Variants in MMP20 observed in about 807,000 individuals in gnomAD.
The protein encoded by MMP20 is matrix metallopeptidase 20, also known as matrix metalloproteinase-20.
In MMP20, 50 loss-of-function variants were observed where a neutral mutation model predicts 51.8. The ratio of observed to expected loss-of-function variants is 0.97; its 90% CI spans 0.77 to 1.22. The LOEUF is 1.22. MMP20 is among the 50% of genes most tolerant of loss of function. MMP20 has a pLI of 0.00. For missense variants in MMP20, 663 were observed against 601.4 expected (o/e 1.10, Z -1.07); for synonymous variants, 244 against 216.2 (o/e 1.13, Z -1.13).
intron 1 of MMP20, among the ~76,000 whole-genome samples, chr11:102,619,032 C>A (rs187332715): frequency 1.3e-5 from 2 of 152,246 alleles, no homozygotes; most frequent in African/African-American, 4.8e-5. Flanking sequence ...ATGGGGTGCC[C>A]AGGCTCTGAA....
intron 1 of MMP20, among the ~76,000 whole-genome samples, chr11:102,618,988 T>A (rs957321492): frequency 2.6e-5 from 4 of 152,100 alleles, no homozygotes; most frequent in African/African-American, 7.2e-5. Flanking sequence ...TTAGGTGAGA[T>A]GAGAAGCCAA....
At chr11:102,584,849 C>G (rs1309663026) in intron 8 of MMP20, among the ~76,000 whole-genome samples, 1 of 152,062 alleles carries the variant, frequency 6.6e-6, no homozygotes, top group Non-Finnish European at 1.5e-5. Flanking sequence ...TGTGGCTATC[C>G]ACTCCTTCCA....
At chr11:102,583,535 A>G (rs1319551398) in intron 8 of MMP20, 1 of 152,216 alleles carries the variant, frequency 6.6e-6, no homozygotes, top group African/African-American at 2.4e-5. Context: ...TATAGGAGCA[A>G]CAGGGTATAC....
At chr11:102,608,468 G>A (rs1390552415) in intron 5 of MMP20, among the ~76,000 whole-genome samples, 1 of 152,172 alleles carries the variant, frequency 6.6e-6, no homozygotes, top group Admixed American at 6.5e-5. Flanking sequence ...CACCCCACAG[G>A]TTGGTTGTGA....
intron 4 of MMP20, among the ~76,000 whole-genome samples, chr11:102,609,326 C>T (rs1429686238): frequency 6.6e-6 from 1 of 152,136 alleles, no homozygotes. Context: ...AAATGCACAT[C>T]AATCCATTTT....
In MMP20 at chr11:102,608,969, T is replaced by C. The variant is rs1217096939; in HGVS notation, c.779A>G (p.Lys260Arg). The change falls in exon 5 of 10, where the codon AAA (lysine) becomes AGA (arginine). Residue 260 changes from lysine to arginine, a missense_variant. Physicochemically the swap from Lys to Arg is conservative, Grantham distance 26. Transcript: ENST00000260228. ...YKNPYGFHLP[K>R]DDVKGIQALY... ...TGCCTGGATCCCTTTCACATCATCT[T>C]TGGGGAGGTGGAATCCATAGGGATT... The C allele has an allele frequency of 1.9e-6, 3 of 1,614,106 alleles. No individual in the cohort carries two copies. In the South Asian group the frequency reaches 3.3e-5, roughly 18 times the overall value.
chr11:102,608,460 C>A (rs924880685), intron 5 of MMP20, among the ~76,000 whole-genome samples: 10 of 152,234 alleles, frequency 6.6e-5, no homozygotes, highest in Non-Finnish European at 1.3e-4. Context: ...ACACTTCACA[C>A]CCCACAGGTT....
In MMP20 at chr11:102,593,531, A is replaced by G. The variant is rs1443565019; in HGVS notation, c.1155T>C (p.Phe385=). 1.2e-6 allele frequency: 2 copies of G among 1,614,138 alleles called. No individual in the cohort carries two copies. The highest frequency in any genetic ancestry group is 1.7e-6 in the Non-Finnish European group (2 of 1,180,000). ...TTTGCTGCACGTGCCTTGGAAATCC[A>G]AAGTCATAAATAGTCCGAGGAGGAC... is the stretch of plus-strand genomic sequence containing the variant. ...MQGPPRTIYD[F]GFPRHVQQID... is the part of the protein sequence containing the mutation. Residue 385 remains phenylalanine, a synonymous_variant, in exon 8 of 10, where the codon TTT becomes TTC. Transcript: ENST00000260228.
intron 6 of MMP20, among the ~76,000 whole-genome samples, chr11:102,595,223 A>C (rs960103336): frequency 1.3e-5 from 2 of 152,126 alleles, no homozygotes; most frequent in Non-Finnish European, 2.9e-5. Flanking sequence ...GACCATGTCC[A>C]TTCCACCCTT....
At chr11:102,612,823 G>T (rs1859620416) in intron 2 of MMP20, among the ~76,000 whole-genome samples, 1 of 144,620 alleles carries the variant, frequency 6.9e-6, no homozygotes. Flanking sequence ...TGCAACCACT[G>T]CCTCCCAGGT....
chr11:102,606,814 G>T (rs1819503158), intron 5 of MMP20, 138 bp from the exon 6 acceptor site: 1 of 1,014,080 alleles, frequency 9.9e-7, no homozygotes, highest in Non-Finnish European at 1.5e-6. Context: ...GGCAGGTATG[G>T]GTTTGAGTCC....
intron 1 of MMP20, among the ~76,000 whole-genome samples, chr11:102,621,486 T>A (rs940508979): frequency 5.3e-5 from 8 of 152,244 alleles, no homozygotes; most frequent in African/African-American, 1.9e-4. Flanking sequence ...ATAGAGTGGT[T>A]TCTGCCCTAC....
intron 2 of MMP20, among the ~76,000 whole-genome samples, chr11:102,614,113 T>C (rs1859637533): frequency 6.6e-6 from 1 of 152,256 alleles, no homozygotes; most frequent in African/African-American, 2.4e-5. Flanking sequence ...GTGGCATTTA[T>C]CTAATCCTCA....
intron 9 of MMP20, 149 bp from the exon 10 acceptor site, chr11:102,577,575 C>A (rs1285772384): frequency 2.9e-6 from 2 of 680,544 alleles, no homozygotes; most frequent in East Asian, 5.7e-5. Context: ...TGTCTTCATG[C>A]CCTAGAACCT....
intron 6 of MMP20, among the ~76,000 whole-genome samples, chr11:102,602,027 AC>A (rs2135937854): frequency 7.0e-6 from 1 of 143,560 alleles, no homozygotes; most frequent in South Asian, 2.2e-4. Flanking sequence ...TCGGCTCACT[AC>A]AAGCTCCGCC....
chr11:102,599,548 G>A (rs1374414626), intron 6 of MMP20, among the ~76,000 whole-genome samples: 1 of 152,140 alleles, frequency 6.6e-6, no homozygotes. Context: ...ATATGAAAGT[G>A]TTTTATAAAT....
intron 2 of MMP20, among the ~76,000 whole-genome samples, chr11:102,615,191 T>C (rs529567453): frequency 3.5e-5 from 5 of 144,348 alleles, no homozygotes; most frequent in African/African-American, 1.3e-4. Flanking sequence ...TTTAATAATA[T>C]ATTATTAATA....
intron 1 of MMP20, 104 bp from the exon 2 acceptor site, chr11:102,617,163 T>G (rs971009952): frequency 1.5e-6 from 2 of 1,365,414 alleles, no homozygotes; most frequent in African/African-American, 2.9e-5. Flanking sequence ...AAGCAGTGTG[T>G]AGAGTATTTT....
At chr11:102,580,114 A>ACTGAATATAAG (rs1565388033) in intron 8 of MMP20, among the ~76,000 whole-genome samples, 1 of 152,274 alleles carries the variant, frequency 6.6e-6, no homozygotes, top group Non-Finnish European at 1.5e-5. Flanking sequence ...AGCTTATATG[A>ACTGAATATAAG]CTGACTGAAT....
Sources: gnomAD v4.1 joint callset for allele counts (sites outside exome capture counted in the v4.1 genomes callset) on GRCh38, gnomAD v4.1.1 for gene constraint, MANE v1.5 for transcripts, NCBI Gene and HGNC (gene_info 2026-07-23, HGNC 2026-07-21) for gene names.